Variants in MACROD2 observed in about 807,000 individuals in gnomAD.
MACROD2 encodes the protein ADP-ribose glycohydrolase MACROD2.
A neutral mutation model predicts 70.4 loss-of-function variants in MACROD2; 36 were observed. That is an observed-to-expected ratio of 0.51 (90% confidence interval 0.39 to 0.68). MACROD2 has a LOEUF of 0.68. Among genes scored for constraint, MACROD2 ranks in the 30% least tolerant of loss-of-function variants. The pLI is 0.00. For missense variants in MACROD2, 496 were observed against 538.4 expected (o/e 0.92, Z 0.78); for synonymous variants, 172 against 178.8 (o/e 0.96, Z 0.30).
At chr20:14,881,083 G>A (rs1292530411) in intron 5 of MACROD2, among the ~76,000 whole-genome samples, 2 of 152,092 alleles carry the variant, frequency 1.3e-5, no homozygotes, top group Non-Finnish European at 2.9e-5. Context: ...GAGGGAAGAG[G>A]TGCAATACAT....
chr20:14,535,673 A>G (rs567209254), intron 4 of MACROD2, among the ~76,000 whole-genome samples: 2 of 152,252 alleles, frequency 1.3e-5, no homozygotes, highest in South Asian at 4.1e-4. Context: ...TTAATTATGC[A>G]TTAAGGCCTC....
chr20:15,327,301 C>A (rs2077940918), intron 6 of MACROD2, among the ~76,000 whole-genome samples: 1 of 152,166 alleles, frequency 6.6e-6, no homozygotes, highest in Admixed American at 6.5e-5. Context: ...GCACCTCTCA[C>A]ATGATGGTCA....
At chr20:14,494,553 T>G (rs1487371121) in intron 4 of MACROD2, among the ~76,000 whole-genome samples, 1 of 152,124 alleles carries the variant, frequency 6.6e-6, no homozygotes, top group East Asian at 1.9e-4. Context: ...GATTTGAAAT[T>G]GGACTTACTG....
chr20:14,261,764 C>G (rs1051830151), intron 3 of MACROD2, among the ~76,000 whole-genome samples: 3 of 152,184 alleles, frequency 2.0e-5, no homozygotes, highest in Admixed American at 1.3e-4. Context: ...AACTCATAGA[C>G]TCTGTCTACA....
At chr20:15,561,919 T>C (rs906383130) in intron 8 of MACROD2, among the ~76,000 whole-genome samples, 1 of 152,066 alleles carries the variant, frequency 6.6e-6, no homozygotes, top group African/African-American at 2.4e-5. Context: ...CAATTATGCA[T>C]GTACTTTCCT....
chr20:15,768,996 A>G (rs916245002), intron 8 of MACROD2, among the ~76,000 whole-genome samples: 3 of 152,206 alleles, frequency 2.0e-5, no homozygotes, highest in Non-Finnish European at 4.4e-5. Flanking sequence ...TGTGATAATG[A>G]TACCTTCTTC....
intron 6 of MACROD2, among the ~76,000 whole-genome samples, chr20:15,391,169 C>T (rs542385616): frequency 2.6e-5 from 4 of 152,274 alleles, no homozygotes; most frequent in South Asian, 4.2e-4. Flanking sequence ...CTCAAAGACT[C>T]CTGCCTGCTT....
intron 4 of MACROD2, among the ~76,000 whole-genome samples, chr20:14,600,151 C>G (rs1245386085): frequency 2.0e-5 from 3 of 151,872 alleles, no homozygotes; most frequent in African/African-American, 7.3e-5. Context: ...CAATGCAATG[C>G]ACACAAAAAA....
Position 15,747,450 on chromosome 20 carries a change from T to G in MACROD2, c.646-115295T>G, listed in dbSNP as rs114878628. Among the ~76,000 whole-genome samples, 884 of 152,272 alleles carry G rather than the reference T, an allele frequency of 5.8e-3. 7 individuals are homozygous for G. Among genetic ancestry groups the G allele is most frequent in the African/African-American group, 0.019 (803 of 41,570 alleles). On this transcript the variant is annotated intron_variant, in intron 8 of 17. Coordinates refer to ENST00000684519, the MANE Select transcript of MACROD2 (RefSeq NM_001351661.2). ...GGTTTTCAGGCAGTATCGAGAGTCC[T>G]TAGTGATGAATGAAGATGACTGTGT... is the stretch of plus-strand genomic sequence containing the variant.
At chr20:14,128,919 A>G (rs2054685062) in intron 3 of MACROD2, among the ~76,000 whole-genome samples, 1 of 152,224 alleles carries the variant, frequency 6.6e-6, no homozygotes, top group Admixed American at 6.5e-5. Context: ...CTCAGAAAAA[A>G]AGATTCCTTT....
chr20:15,055,557 G>A (rs2075478061), intron 5 of MACROD2, among the ~76,000 whole-genome samples: 1 of 152,166 alleles, frequency 6.6e-6, no homozygotes, highest in Non-Finnish European at 1.5e-5. Context: ...AATTATAGCG[G>A]AGAACAAATA....
At chr20:14,647,491 C>A (rs185245805) in intron 4 of MACROD2, among the ~76,000 whole-genome samples, 13 of 152,062 alleles carry the variant, frequency 8.5e-5, no homozygotes, top group Non-Finnish European at 1.5e-4. Context: ...CAATGCATTG[C>A]AAATCTGAAG....
intron 4 of MACROD2, among the ~76,000 whole-genome samples, chr20:14,577,064 T>C (rs1196172989): frequency 6.6e-6 from 1 of 152,180 alleles, no homozygotes. Flanking sequence ...TCTTTCTGGG[T>C]GTAATTCTGA....
chr20:14,619,960 A>G (rs1336128943), intron 4 of MACROD2, among the ~76,000 whole-genome samples: 4 of 152,120 alleles, frequency 2.6e-5, no homozygotes, highest in African/African-American at 7.2e-5. Context: ...GCAAATTATG[A>G]TCTGGCTTTT....
intron 5 of MACROD2, among the ~76,000 whole-genome samples, chr20:15,213,583 T>C (rs1373369674): frequency 1.3e-5 from 2 of 152,048 alleles, no homozygotes; most frequent in Non-Finnish European, 2.9e-5. Context: ...GTCACGTCCA[T>C]AAAGGTGAAG....
At chr20:14,256,460 T>A (rs2327840) in intron 3 of MACROD2, among the ~76,000 whole-genome samples, 57,768 of 151,994 alleles carry the variant, frequency 0.38, 12,689 homozygotes, top group African/African-American at 0.58. Context: ...GACATTTTTT[T>A]GTTTTAAAAT....
At chr20:15,518,993 G>A (rs1280540690) in intron 8 of MACROD2, among the ~76,000 whole-genome samples, 1 of 152,062 alleles carries the variant, frequency 6.6e-6, no homozygotes, top group African/African-American at 2.4e-5. Flanking sequence ...CTATGTGCCG[G>A]ACATTGTGCT....
chr20:15,124,474 A>G (rs559442684), intron 5 of MACROD2, among the ~76,000 whole-genome samples: 1 of 151,830 alleles, frequency 6.6e-6, no homozygotes, highest in Non-Finnish European at 1.5e-5. Flanking sequence ...CATATAGATT[A>G]AGGGAAACTA....
chr20:15,116,488 C>CA (rs1233778816), intron 5 of MACROD2, among the ~76,000 whole-genome samples: 1 of 151,902 alleles, frequency 6.6e-6, no homozygotes, highest in East Asian at 1.9e-4. Flanking sequence ...ACTAAAAATA[C>CA]AAAAAAATTA....
Sources: allele counts gnomAD v4.1 joint callset (sites outside exome capture counted in the v4.1 genomes callset), GRCh38; gene constraint gnomAD v4.1.1; transcripts MANE v1.5; gene names NCBI Gene and HGNC (gene_info 2026-07-23, HGNC 2026-07-21).